FOXP2: variants seen among roughly 807,000 people sequenced by gnomAD.
FOXP2 encodes the protein forkhead box P2.
Under a neutral mutation model 115.8 loss-of-function variants are expected in FOXP2, and 12 were observed. That is an observed-to-expected ratio of 0.10 (90% CI 0.07 to 0.17). The LOEUF (loss-of-function observed/expected upper bound fraction) is 0.17. Among genes scored for constraint, FOXP2 ranks in the 10% least tolerant of loss-of-function variants. The pLI is 1.00. For synonymous variants in FOXP2, 328 were observed against 297.7 expected, an observed-to-expected ratio of 1.10 and a Z score of -1.05; for missense variants, 629 against 843.5, an observed-to-expected ratio of 0.75 and a Z score of 3.15.
At chr7:114,208,613 T>C (rs1423516598) in intron 1 of FOXP2, among the ~76,000 whole-genome samples, 1 of 151,904 alleles carries the variant, frequency 6.6e-6, no homozygotes, top group Non-Finnish European at 1.5e-5. Context: ...CACTCAAATC[T>C]CATCTTGAAT....
intron 1 of FOXP2, among the ~76,000 whole-genome samples, chr7:114,138,362 C>T (rs938822513): frequency 6.6e-6 from 1 of 151,170 alleles, no homozygotes; most frequent in African/African-American, 2.4e-5. Flanking sequence ...CTCTGAGGTC[C>T]TCCTCCCCAC....
rs1796159794 is a variant in FOXP2, at chr7:114,474,182, CATG to C, written c.168+47506_168+47508del. Among the ~76,000 whole-genome samples, 3 of 152,262 alleles carry C rather than the reference CATG, an allele frequency of 2.0e-5. No individual in the cohort carries two copies. In the South Asian group the frequency reaches 6.2e-4, roughly 32 times the overall value. On this transcript the variant is annotated intron_variant, in intron 2 of 16. Transcript: ENST00000350908. ...TGCATACTGTGCATGTGGTGAATTC[CATG>C]ATATCAGAACAACAGAATAGCAAAG...
In FOXP2 at chr7:114,298,702, C is replaced by T. The variant is rs148588739; in HGVS notation, c.-11+10593C>T. Among the ~76,000 whole-genome samples, 4 of 152,284 alleles carry T rather than the reference C, an allele frequency of 2.6e-5. No individual in the cohort carries two copies. The East Asian group carries it at 7.7e-4, about 29-fold the overall frequency. ...TTTAGCTTCAAATCTCTCCAGTAGT[C>T]TATTGCCCAGGACAATTGAACAACT... is the stretch of plus-strand genomic sequence containing the variant. On this transcript the variant is annotated intron_variant, in intron 2 of 17. Transcript: ENST00000634411.
chr7:114,492,205 G>T (rs1797095228), intron 2 of FOXP2, among the ~76,000 whole-genome samples: 1 of 152,130 alleles, frequency 6.6e-6, no homozygotes, highest in African/African-American at 2.4e-5. Flanking sequence ...GCGTAGAGGT[G>T]TTTATAGTAT....
At chr7:114,351,618 T>G (rs1418582408) in intron 2 of FOXP2, among the ~76,000 whole-genome samples, 2 of 152,144 alleles carry the variant, frequency 1.3e-5, no homozygotes, top group Admixed American at 1.3e-4. Flanking sequence ...AGTAATAGTT[T>G]TCTATAGTGT....
intron 1 of FOXP2, among the ~76,000 whole-genome samples, chr7:114,245,398 T>C (rs1795256602): frequency 6.6e-6 from 1 of 152,218 alleles, no homozygotes; most frequent in African/African-American, 2.4e-5. Context: ...TACTGCCAGC[T>C]ATTTTAGCAT....
At chr7:114,509,141 A>C (rs1414291956) in intron 2 of FOXP2, among the ~76,000 whole-genome samples, 2 of 152,092 alleles carry the variant, frequency 1.3e-5, no homozygotes, top group Non-Finnish European at 2.9e-5. Flanking sequence ...AGGGCATGAT[A>C]GTATGAAAGT....
At chr7:114,373,372 G>A (rs1236242240) in intron 2 of FOXP2, among the ~76,000 whole-genome samples, 1 of 151,406 alleles carries the variant, frequency 6.6e-6, no homozygotes, top group African/African-American at 2.4e-5. Flanking sequence ...AGCAGCTGTG[G>A]ATTTACGTAC....
chr7:114,373,580 T>C (rs1338451038), intron 2 of FOXP2, among the ~76,000 whole-genome samples: 1 of 152,238 alleles, frequency 6.6e-6, no homozygotes, highest in Non-Finnish European at 1.5e-5. Flanking sequence ...CTTTTCAATT[T>C]AAGGAAATTT....
intron 2 of FOXP2, among the ~76,000 whole-genome samples, chr7:114,397,798 A>G (rs980801163): frequency 1.3e-5 from 2 of 152,188 alleles, no homozygotes; most frequent in African/African-American, 4.8e-5. Flanking sequence ...TTAAAGAGCA[A>G]GAGCATAGCA....
intron 2 of FOXP2, among the ~76,000 whole-genome samples, chr7:114,468,830 T>C (rs1192472977): frequency 6.6e-6 from 1 of 152,138 alleles, no homozygotes; most frequent in Non-Finnish European, 1.5e-5. Flanking sequence ...CCAATTCTCA[T>C]CAGTTAACAC....
chr7:114,259,415 C>A (rs967346475), intron 1 of FOXP2, among the ~76,000 whole-genome samples: 1 of 151,990 alleles, frequency 6.6e-6, no homozygotes, highest in East Asian at 1.9e-4. Flanking sequence ...TTAATAATAC[C>A]ATCTTTCATA....
intron 16 of FOXP2, among the ~76,000 whole-genome samples, chr7:114,680,011 CA>C (rs1292518699): frequency 1.3e-5 from 2 of 152,102 alleles, no homozygotes; most frequent in East Asian, 3.9e-4. Flanking sequence ...CCACTTCTAA[CA>C]AGAAGTAACT....
intron 16 of FOXP2, among the ~76,000 whole-genome samples, chr7:114,678,547 C>CCTTTTTTTT (rs1554443717): frequency 2.1e-5 from 1 of 48,388 alleles, no homozygotes; most frequent in Non-Finnish European, 4.0e-5. Flanking sequence ...ATAAGTGACT[C>CCTTTTTTTT]TTTTTTTTTT....
At chr7:114,125,711 C>T (rs114540683) in intron 1 of FOXP2, among the ~76,000 whole-genome samples, 190 of 152,168 alleles carry the variant, frequency 1.2e-3, no homozygotes, top group African/African-American at 4.4e-3. Context: ...CCTTCCTTCC[C>T]GCTAGCCTGC....
In FOXP2 at chr7:114,500,685, A is replaced by T. The variant is rs1797530901; in HGVS notation, c.169-33932A>T. Among the ~76,000 whole-genome samples the T allele has an allele frequency of 3.3e-5, 5 of 152,202 alleles. No homozygotes were observed. The South Asian group carries it at 1.0e-3, about 31-fold the overall frequency. On this transcript the variant is annotated intron_variant, in intron 2 of 16. Transcript: ENST00000350908. ...TAAGACTACTTGCCCAAAGTAATAC[A>T]GCTCTTTAGTGGTAGAATCAGGGCT...
intron 1 of FOXP2, among the ~76,000 whole-genome samples, chr7:114,236,506 G>A (rs527522503): frequency 1.3e-5 from 2 of 152,300 alleles, no homozygotes; most frequent in East Asian, 3.9e-4. Flanking sequence ...AATTGTAAAT[G>A]TATAGCTATA....
intron 2 of FOXP2, chr7:114,366,629 C>T (rs527916395): frequency 1.3e-5 from 2 of 152,190 alleles, no homozygotes; most frequent in South Asian, 4.1e-4. Flanking sequence ...GAACAGCCTG[C>T]TGTTTGGGGA....
intron 1 of FOXP2, among the ~76,000 whole-genome samples, chr7:114,174,287 T>C (rs906180371): frequency 6.6e-5 from 10 of 152,096 alleles, no homozygotes; most frequent in African/African-American, 1.9e-4. Context: ...TTCTATTAAA[T>C]TCAGAGGGAA....
Sources: gnomAD v4.1 joint callset for allele counts (sites outside exome capture counted in the v4.1 genomes callset) on GRCh38, gnomAD v4.1.1 for gene constraint, MANE v1.5 for transcripts, NCBI Gene and HGNC (gene_info 2026-07-23, HGNC 2026-07-21) for gene names.